TBCD: variants seen among roughly 807,000 people sequenced by gnomAD.
TBCD encodes the protein tubulin-specific chaperone D.
A neutral mutation model predicts 169.3 loss-of-function variants in TBCD; 105 were observed. The ratio of observed to expected loss-of-function variants is 0.62; its 90% CI spans 0.53 to 0.73. TBCD has a LOEUF of 0.73. Ranked by LOEUF, TBCD falls within the 30% of genes least tolerant of loss-of-function variation. The pLI, the probability that TBCD is intolerant of heterozygous loss-of-function variation, is 0.00. For missense variants in TBCD, 1,444 were observed against 1,600.1 expected (o/e 0.90, Z 1.66); for synonymous variants, 700 against 643.9 (o/e 1.09, Z -1.32).
chr17:82,822,236 C>T (rs1039194855), intron 13 of TBCD, among the ~76,000 whole-genome samples: 5 of 152,282 alleles, frequency 3.3e-5, no homozygotes, highest in South Asian at 2.1e-4. Flanking sequence ...GTTTCTGTGA[C>T]GGTGAAGGGG....
At chr17:82,801,277 C>T (rs2144679830) in intron 9 of TBCD, among the ~76,000 whole-genome samples, 1 of 152,290 alleles carries the variant, frequency 6.6e-6, no homozygotes, top group East Asian at 1.9e-4. Context: ...GTGGTGATGG[C>T]AGAGAAGATG....
intron 20 of TBCD, 41 bp downstream of exon 20, chr17:82,906,094 C>T (rs1157572408): frequency 1.4e-6 from 2 of 1,448,050 alleles, no homozygotes; most frequent in African/African-American, 2.8e-5. Context: ...GGCTCTGTCC[C>T]TGATCCCCTC....
intron 13 of TBCD, chr17:82,829,959 C>T: frequency 1.0e-6 from 1 of 974,882 alleles, no homozygotes. Flanking sequence ...TTTTAATATT[C>T]ATGCTTAATA....
At chr17:82,820,981 G>A (rs574124495) in intron 13 of TBCD, among the ~76,000 whole-genome samples, 5 of 151,960 alleles carry the variant, frequency 3.3e-5, no homozygotes, top group African/African-American at 4.8e-5. Flanking sequence ...TTTGAGACAG[G>A]GTCTTGCTCT....
rs548750295 is a variant in TBCD, at chr17:82,874,383, C to T, written c.1475+4003C>T. Among the ~76,000 whole-genome samples, 293 of 152,280 alleles carry T rather than the reference C, an allele frequency of 1.9e-3. 3 individuals carry two copies. Among genetic ancestry groups the T allele is most frequent in the African/African-American group, 6.9e-3 (285 of 41,562 alleles). On this transcript the variant is annotated intron_variant, in intron 14 of 38. Transcript: ENST00000355528. The surrounding 1 kb of genome is among the most constrained non-coding windows in gnomAD (Gnocchi z 5.0). ...CCTGGGTCCCACTTGGCTTTGATCT[C>T]GTGGGGCTTTGGTTTTTGGAGGTCC...
At chr17:82,896,476 T>TG (rs2146528135) in intron 17 of TBCD, among the ~76,000 whole-genome samples, 1 of 144,372 alleles carries the variant, frequency 6.9e-6, no homozygotes, top group Non-Finnish European at 1.5e-5. Flanking sequence ...TTTTTTTTTT[T>TG]TCCTTTTGAG....
chr17:82,886,685 C>A (rs1173276326), intron 15 of TBCD, among the ~76,000 whole-genome samples: 1 of 45,244 alleles, frequency 2.2e-5, no homozygotes, highest in Non-Finnish European at 4.3e-5. Flanking sequence ...CCTCCCCTCC[C>A]CTCCCCTCCC....
chr17:82,924,982 G>A lies in TBCD; in HGVS notation c.2304G>A (p.Glu768=), dbSNP rs1599601838. Residue 768 remains glutamate (E), a synonymous_variant, in exon 27 of 39, where the codon GAG becomes GAA. Transcript: ENST00000355528. ...ACCTGGCTGAGCTTCGGAACCCCGAGGAGATGACTCGCTGTGGCTTCTCGT... is the reference window on the plus strand; with the variant it reads ...ACCTGGCTGAGCTTCGGAACCCCGAAGAGATGACTCGCTGTGGCTTCTCGT... ...TQYLAELRNP[E]EMTRCGFSLA... is the part of the protein sequence containing the mutation. 4.4e-6 allele frequency: 7 copies of A among 1,575,748 alleles called. No homozygotes were observed. Among genetic ancestry groups the A allele is most frequent in the Non-Finnish European group, 5.2e-6 (6 of 1,159,542 alleles).
In TBCD at chr17:82,926,674, G is replaced by A. The variant is rs569154819; in HGVS notation, c.2471+183G>A. Among the ~76,000 whole-genome samples, 5 of 152,332 alleles carry A rather than the reference G, an allele frequency of 3.3e-5. No individual in the cohort carries two copies. The South Asian group carries it at 1.0e-3, about 32-fold the overall frequency. On this transcript the variant is annotated intron_variant, in intron 28 of 38. Coordinates refer to ENST00000355528, the MANE Select transcript of TBCD (RefSeq NM_005993.5). Reference sequence around the variant, plus strand: ...CTTTCATTCTCTTGCTGTCATAGTCGTAGTGAATGTTAAACTTCTTTAGGG... The same window carrying A: ...CTTTCATTCTCTTGCTGTCATAGTCATAGTGAATGTTAAACTTCTTTAGGG...
intron 6 of TBCD, among the ~76,000 whole-genome samples, chr17:82,774,516 G>A (rs1221119862): frequency 6.6e-6 from 1 of 151,956 alleles, no homozygotes; most frequent in East Asian, 1.9e-4. Flanking sequence ...TTTTCTATTC[G>A]ACAAAACCGC....
intron 14 of TBCD, among the ~76,000 whole-genome samples, chr17:82,877,813 T>A (rs912674342): frequency 6.6e-6 from 1 of 152,242 alleles, no homozygotes; most frequent in African/African-American, 2.4e-5. Flanking sequence ...AGTATTTTTC[T>A]CTTCTTATTT....
intron 28 of TBCD, 128 bp downstream of exon 28, chr17:82,926,619 G>A: frequency 1.3e-6 from 1 of 761,502 alleles, no homozygotes; most frequent in Non-Finnish European, 2.1e-6. Context: ...CTCTCTTCCA[G>A]AGGATCGTCA....
At chr17:82,927,346 G>A (rs1449330421) in intron 29 of TBCD, 23 bp downstream of exon 29, 1 of 1,608,934 alleles carries the variant, frequency 6.2e-7, no homozygotes, top group Non-Finnish European at 8.5e-7. Flanking sequence ...CAGTGGGTGA[G>A]CGCTTCTTCT....
In TBCD at chr17:82,814,845, A is replaced by T; in HGVS notation, c.1229A>T (p.Gln410Leu). 6.2e-7 allele frequency: 1 copy of T among 1,613,836 alleles called. No individual in the cohort carries two copies. Among genetic ancestry groups the T allele is most frequent in the Non-Finnish European group, 8.5e-7 (1 of 1,179,840 alleles). ...VGSVLDCFSF[Q>L]ETDKAWHGGC... is the part of the protein sequence containing the mutation. The stretch of plus-strand genomic sequence containing the variant: ...AGGATCTTTGTTGCTCTCAGTTTCC[A>T]GGAGACTGACAAGGCGTGGCATGGG... Residue 410 changes from glutamine (Q) to leucine (L), a missense_variant, in exon 13 of 39, where the codon CAG (glutamine) becomes CTG (leucine). Physicochemically the swap from Gln to Leu is moderately radical, Grantham distance 113. Transcript: ENST00000355528.
In TBCD at chr17:82,920,530, T is replaced by A; in HGVS notation, c.2039-26T>A. The A allele has an allele frequency of 6.6e-7, 1 of 1,511,876 alleles. No homozygotes were observed. Among genetic ancestry groups the A allele is most frequent in the Non-Finnish European group, 8.8e-7 (1 of 1,136,242 alleles). 93.7% of individuals were successfully genotyped at this position (1,511,876 alleles called of 1,614,324 possible). On this transcript the variant is annotated intron_variant, in intron 23 of 38. Coordinates refer to ENST00000355528, the MANE Select transcript of TBCD (RefSeq NM_005993.5). The surrounding 1 kb of genome is among the most constrained non-coding windows in gnomAD (Gnocchi z 4.1). ...GCGCTTTTAGAAAAGTAACATTGCG[T>A]CTATCCTTTTTTTTTTTTTTTCCAG... is the stretch of plus-strand genomic sequence containing the variant.
At chr17:82,813,241 C>T (rs951577346) in intron 12 of TBCD, among the ~76,000 whole-genome samples, 39 of 152,120 alleles carry the variant, frequency 2.6e-4, no homozygotes, top group Non-Finnish European at 8.8e-5. Flanking sequence ...ATCTGAGACC[C>T]GTGTACCTGC....
At chr17:82,854,815 C>T (rs1009105297) in intron 13 of TBCD, among the ~76,000 whole-genome samples, 5 of 152,176 alleles carry the variant, frequency 3.3e-5, no homozygotes, top group South Asian at 2.1e-4. Flanking sequence ...ATTTCTATCA[C>T]GTATTGAAAG....
At chr17:82,907,581 C>T (rs2060339155) in intron 20 of TBCD, among the ~76,000 whole-genome samples, 180 bp from the exon 21 acceptor site, 1 of 152,208 alleles carries the variant, frequency 6.6e-6, no homozygotes, top group African/African-American at 2.4e-5. Context: ...GGAGGTATGT[C>T]CTGCAGAGGT....
Position 82,929,446 on chromosome 17 carries a change from C to G in TBCD, c.2937C>G (p.Arg979=). The G allele has an allele frequency of 6.2e-7, 1 of 1,611,800 alleles. No individual in the cohort carries two copies. Among genetic ancestry groups the G allele is most frequent in the Non-Finnish European group, 8.5e-7 (1 of 1,179,886 alleles). Residue 979 remains arginine (R), a synonymous_variant, in exon 32 of 39, where the codon CGC becomes CGG. Coordinates refer to ENST00000355528, the MANE Select transcript of TBCD (RefSeq NM_005993.5). ...AGCTCCTTGGGCTGCCCACCTACCGCTACCACGTCCTGCTGGGGCTAGTCG... is the reference window on the plus strand; with the variant it reads ...AGCTCCTTGGGCTGCCCACCTACCGGTACCACGTCCTGCTGGGGCTAGTCG... ...ITQLLGLPTY[R]YHVLLGLVVS... is the part of the protein sequence containing the mutation.
Sources: gnomAD v4.1 joint callset for allele counts (sites outside exome capture counted in the v4.1 genomes callset) on GRCh38, gnomAD v4.1.1 for gene constraint, Gnocchi (gnomAD v3.1) non-coding constraint, MANE v1.5 for transcripts, NCBI Gene and HGNC (gene_info 2026-07-23, HGNC 2026-07-21) for gene names.